Variants in PTPRC observed in about 807,000 individuals in gnomAD.
The protein encoded by PTPRC is receptor-type tyrosine-protein phosphatase C.
In PTPRC, 44 loss-of-function variants were observed where a neutral mutation model predicts 155.9. That is an observed-to-expected ratio of 0.28 (90% CI 0.22 to 0.36). The LOEUF is 0.36. PTPRC is among the 10% of genes least tolerant of loss of function. The pLI, the probability that PTPRC is intolerant of heterozygous loss-of-function variation, is 1.00. For synonymous variants in PTPRC, 525 were observed against 533.1 expected, an observed-to-expected ratio of 0.98 and a Z score of 0.21; for missense variants, 1,401 against 1,564.6, an observed-to-expected ratio of 0.90 and a Z score of 1.76.
intron 2 of PTPRC, among the ~76,000 whole-genome samples, chr1:198,648,433 C>G (rs1186316975): frequency 2.0e-5 from 3 of 151,464 alleles, no homozygotes; most frequent in Admixed American, 6.6e-5. Flanking sequence ...CTAGATAGAC[C>G]AGATTCTAGA....
At chr1:198,696,397 C>T (rs1379015654) in intron 3 of PTPRC, among the ~76,000 whole-genome samples, 4 of 151,886 alleles carry the variant, frequency 2.6e-5, no homozygotes, top group Non-Finnish European at 4.4e-5. Context: ...CGAGAAGCTG[C>T]TTTCAATTTC....
intron 15 of PTPRC, among the ~76,000 whole-genome samples, chr1:198,727,450 C>A (rs534934960): frequency 6.6e-6 from 1 of 152,088 alleles, no homozygotes; most frequent in South Asian, 2.1e-4. Flanking sequence ...GACCAAAAGC[C>A]AAAAATATTT....
At chr1:198,733,795 T>TA (rs1654503473) in intron 20 of PTPRC, among the ~76,000 whole-genome samples, 1 of 151,664 alleles carries the variant, frequency 6.6e-6, no homozygotes, top group African/African-American at 2.4e-5. Flanking sequence ...AGAAATTGAG[T>TA]AAAAATCCCA....
chr1:198,710,547 G>A (rs1050775038), intron 11 of PTPRC, among the ~76,000 whole-genome samples: 2 of 152,144 alleles, frequency 1.3e-5, no homozygotes, highest in Non-Finnish European at 2.9e-5. Context: ...AACCATGTTA[G>A]TCTTCCAGTT....
intron 5 of PTPRC, among the ~76,000 whole-genome samples, chr1:198,701,909 C>G (rs1435385197): frequency 1.3e-5 from 2 of 152,222 alleles, no homozygotes; most frequent in Non-Finnish European, 2.9e-5. Context: ...TGAGCACCTG[C>G]ACCCAGGGAT....
At chr1:198,722,121 T>C (rs999637054) in intron 14 of PTPRC, among the ~76,000 whole-genome samples, 4 of 151,076 alleles carry the variant, frequency 2.6e-5, no homozygotes, top group Admixed American at 6.6e-5. Flanking sequence ...TTTTGATGTA[T>C]TGGATTTTAT....
rs564472111 is a variant in PTPRC at position 198,713,865 on chromosome 1, C to T, written c.1291+793C>T. On this transcript the variant is annotated intron_variant, in intron 12 of 32. Coordinates refer to ENST00000442510, the MANE Select transcript of PTPRC (RefSeq NM_002838.5). Reference sequence around the variant, plus strand: ...TGCTGTGGGGAAGGAACCAGACATACACTTCAAAACTTGAAAAGTGAAAGG... The same window carrying T: ...TGCTGTGGGGAAGGAACCAGACATATACTTCAAAACTTGAAAAGTGAAAGG... Among the ~76,000 whole-genome samples the T allele has an allele frequency of 3.3e-5, 5 of 152,250 alleles. No individual in the cohort carries two copies. In the East Asian group the frequency reaches 7.7e-4, roughly 23 times the overall value.
At chr1:198,662,468 G>GTGTGTGTT (rs1276894304) in intron 2 of PTPRC, among the ~76,000 whole-genome samples, 1 of 129,780 alleles carries the variant, frequency 7.7e-6, no homozygotes, top group African/African-American at 2.9e-5. Context: ...GTGTGTGTGT[G>GTGTGTGTT]TGTGTGTGTG....
chr1:198,751,779 C>T (rs1054811006), intron 29 of PTPRC, among the ~76,000 whole-genome samples: 2 of 151,998 alleles, frequency 1.3e-5, no homozygotes, highest in Non-Finnish European at 2.9e-5. Flanking sequence ...TATAAAGCTG[C>T]TTATGGTGTT....
chr1:198,692,281 T>C (rs1395822101), intron 2 of PTPRC, 66 bp from the exon 3 acceptor site: 3 of 1,206,848 alleles, frequency 2.5e-6, no homozygotes, highest in African/African-American at 1.6e-5. Flanking sequence ...AAAAATCTAA[T>C]ATATGTTTAC....
In PTPRC at chr1:198,723,349, T is replaced by C. The variant is rs186163233; in HGVS notation, c.1720+873T>C. 6.6e-5 allele frequency among the ~76,000 whole-genome samples: 10 copies of C among 152,246 alleles called. No individual in the cohort carries two copies. The East Asian group carries it at 1.9e-3, about 29-fold the overall frequency. ...CTTCCTCTCTTACATATGTTACATA[T>C]GCACATATGCATGTGCACAATCACT... On this transcript the variant is annotated intron_variant, in intron 15 of 32. Coordinates refer to ENST00000442510, the MANE Select transcript of PTPRC (RefSeq NM_002838.5).
chr1:198,657,953 A>G (rs1195057407), intron 2 of PTPRC: 5 of 152,210 alleles, frequency 3.3e-5, no homozygotes, highest in Admixed American at 3.3e-4. Flanking sequence ...TACTCGATGA[A>G]TGTGTGTTAA....
chr1:198,661,156 A>T (rs1663939435), intron 2 of PTPRC, among the ~76,000 whole-genome samples: 2 of 152,122 alleles, frequency 1.3e-5, no homozygotes, highest in African/African-American at 4.8e-5. Context: ...ATTGAAACCA[A>T]TGTTTCTCAT....
intron 2 of PTPRC, among the ~76,000 whole-genome samples, chr1:198,661,405 G>C (rs968677251): frequency 1.3e-5 from 2 of 150,956 alleles, no homozygotes; most frequent in Non-Finnish European, 3.0e-5. Flanking sequence ...GATTTAATAG[G>C]AATAGTGTCA....
At chr1:198,706,280 A>G (rs1652964126) in intron 8 of PTPRC, among the ~76,000 whole-genome samples, 1 of 152,244 alleles carries the variant, frequency 6.6e-6, no homozygotes, top group African/African-American at 2.4e-5. Context: ...TTAATGCCCC[A>G]CATATATCAA....
At chr1:198,639,480 A>C in intron 2 of PTPRC, 139 bp downstream of exon 2, 5 of 660,850 alleles carry the variant, frequency 7.6e-6, no homozygotes, top group Non-Finnish European at 1.3e-5. Flanking sequence ...TTGTTGTCTC[A>C]GGGAGACATA....
intron 2 of PTPRC, among the ~76,000 whole-genome samples, chr1:198,689,294 T>C (rs990638295): frequency 3.9e-5 from 6 of 152,212 alleles, no homozygotes; most frequent in Non-Finnish European, 8.8e-5. Flanking sequence ...AGTTCTAGTA[T>C]ATTTACTCAG....
chr1:198,708,316 G>A, intron 10 of PTPRC, 55 bp downstream of exon 10: 1 of 1,524,576 alleles, frequency 6.6e-7, no homozygotes. Flanking sequence ...TGTTGTTCTA[G>A]ATATTATTTA....
chr1:198,718,114 A>G lies in PTPRC; in HGVS notation c.1471A>G (p.Met491Val). ...KSAPPSQVWN[M>V]TVSMTSDNSM... ...GATAGCTCCAAGCCAGGTCTGGAACATGACTGTCTCCATGACATCAGATAA... is the reference window on the plus strand; with the variant it reads ...GATAGCTCCAAGCCAGGTCTGGAACGTGACTGTCTCCATGACATCAGATAA... Residue 491 changes from methionine to valine, a missense_variant, in exon 14 of 33, where the codon ATG (methionine) becomes GTG (valine). Transcript: ENST00000442510. 1.2e-6 allele frequency: 2 copies of G among 1,613,504 alleles called. No individual in the cohort carries two copies. Among genetic ancestry groups the G allele is most frequent in the Non-Finnish European group, 1.7e-6 (2 of 1,179,392 alleles).
Sources: allele counts gnomAD v4.1 joint callset (sites outside exome capture counted in the v4.1 genomes callset), GRCh38; gene constraint gnomAD v4.1.1; transcripts MANE v1.5; gene names NCBI Gene and HGNC (gene_info 2026-07-23, HGNC 2026-07-21).